SLITRK6: variants seen among roughly 807,000 people sequenced by gnomAD.
The protein encoded by SLITRK6 is SLIT and NTRK-like protein 6.
Under a neutral mutation model 55.6 loss-of-function variants are expected in SLITRK6, and 35 were observed. That is an observed-to-expected ratio of 0.63 (90% CI 0.48 to 0.83). SLITRK6 has a LOEUF of 0.83. Among genes scored for constraint, SLITRK6 ranks in the 40% least tolerant of loss-of-function variants. The pLI, the probability that SLITRK6 is intolerant of heterozygous loss-of-function variation, is 0.00. For missense variants in SLITRK6, 977 were observed against 986.4 expected, an observed-to-expected ratio of 0.99 and a Z score of 0.13; for synonymous variants, 392 against 359.6, an observed-to-expected ratio of 1.09 and a Z score of -1.02.
chr13:85,798,819 A>C (rs1874797069), intron 1 of SLITRK6, 95 bp downstream of exon 1: 1 of 151,942 alleles, frequency 6.6e-6, no homozygotes, highest in South Asian at 2.1e-4. Flanking sequence ...CTTTAATGCA[A>C]AGTTGTTTAT....
rs936795052 is a variant in SLITRK6, at chr13:85,798,903, A to C, written c.-25+11T>G. The C allele has an allele frequency of 6.6e-6, 1 of 151,924 alleles. No homozygotes were observed. Among genetic ancestry groups the C allele is most frequent in the Non-Finnish European group, 1.5e-5 (1 of 67,986 alleles). The allele number at this position is 151,924 out of a possible 1,614,324, so 9.4% of individuals were successfully genotyped here. A position where few individuals can be genotyped will look rare whatever the true frequency, so the allele number is the denominator to read the frequency against. Reference sequence around the variant, plus strand: ...ATAAGTATAAGAAAAGCCTGGAAACATTCATCTTACCTGTAAAGCAGAGAC... The same window carrying C: ...ATAAGTATAAGAAAAGCCTGGAAACCTTCATCTTACCTGTAAAGCAGAGAC... On this transcript the variant is annotated intron_variant, in intron 1 of 1. Coordinates refer to ENST00000647374, the MANE Select transcript of SLITRK6 (RefSeq NM_032229.3).
Position 85,794,980 on chromosome 13 carries a change from G to A in SLITRK6, c.1529C>T (p.Thr510Ile). 6.2e-7 allele frequency: 1 copy of A among 1,613,062 alleles called. No individual in the cohort carries two copies. The highest frequency in any genetic ancestry group is 8.5e-7 in the Non-Finnish European group (1 of 1,179,462). ...SNILDDLDLL[T>I]QIDLEDNPWD... ...GGGGTTATCCTCAAGGTCAATCTGG[G>A]TTAGCAAATCAAGATCATCCAAAAT... Residue 510 changes from threonine (T) to isoleucine (I), a missense_variant, in exon 2 of 2, where the codon ACC becomes ATC. By Grantham distance (89) the Thr-to-Ile change is moderately conservative (BLOSUM62 -1). Transcript: ENST00000647374.
chr13:85,795,960 A>T lies in SLITRK6; in HGVS notation c.549T>A (p.Val183=). ...ESLPPNIFRF[V]PLTHLDLRGN... is the part of the protein sequence containing the mutation. ...CACGAAGATCTAGATGGGTTAAAGG[A>T]ACAAATCGGAAGATGTTTGGAGGAA... is the stretch of plus-strand genomic sequence containing the variant. Residue 183 remains valine (V), a synonymous_variant, in exon 2 of 2, where the codon GTT becomes GTA. Coordinates refer to ENST00000647374, the MANE Select transcript of SLITRK6 (RefSeq NM_032229.3). The T allele has an allele frequency of 6.2e-7, 1 of 1,613,044 alleles. No homozygotes were observed. Among genetic ancestry groups the T allele is most frequent in the Non-Finnish European group, 8.5e-7 (1 of 1,179,388 alleles).
rs1372482860 is a variant in SLITRK6 at position 85,793,553 on chromosome 13, A to C, written c.*430T>G. The C allele has an allele frequency of 2.6e-5, 4 of 155,530 alleles. No individual in the cohort carries two copies. The highest frequency in any genetic ancestry group is 9.6e-5 in the African/African-American group (4 of 41,482). 9.6% of individuals were successfully genotyped at this position (155,530 alleles called of 1,614,324 possible). ...CACATTTTTGAAGTACATACTGGTT[A>C]TAAACAATGTATTCCTTACATATTA... On this transcript the variant is annotated 3_prime_UTR_variant, in exon 2 of 2. Coordinates refer to ENST00000647374, the MANE Select transcript of SLITRK6 (RefSeq NM_032229.3).
chr13:85,793,774 T>A lies in SLITRK6; in HGVS notation c.*209A>T. ...ATGATTTACATGCAAGGATTTATTTTATTTGGGACAGACTAAATTGCCTGA... is the reference window on the plus strand; with the variant it reads ...ATGATTTACATGCAAGGATTTATTTAATTTGGGACAGACTAAATTGCCTGA... On this transcript the variant is annotated 3_prime_UTR_variant, in exon 2 of 2. Coordinates refer to ENST00000647374, the MANE Select transcript of SLITRK6 (RefSeq NM_032229.3). The A allele has an allele frequency of 2.1e-6, 1 of 470,360 alleles. No homozygotes were observed. The highest frequency in any genetic ancestry group is 3.7e-6 in the Non-Finnish European group (1 of 273,536). 29.1% of individuals were successfully genotyped at this position (470,360 alleles called of 1,614,324 possible).
intron 1 of SLITRK6, among the ~76,000 whole-genome samples, chr13:85,798,507 GA>G (rs1459313003): frequency 1.3e-5 from 2 of 151,952 alleles, no homozygotes; most frequent in Admixed American, 6.6e-5. Flanking sequence ...GATACTCATT[GA>G]CATGTTTTCT....
Position 85,795,484 on chromosome 13 carries a change from C to G in SLITRK6, c.1025G>C (p.Gly342Ala). 1 of 1,612,930 alleles carries G rather than the reference C, an allele frequency of 6.2e-7. No homozygotes were observed. Among genetic ancestry groups the G allele is most frequent in the Non-Finnish European group, 8.5e-7 (1 of 1,179,410 alleles). ...GCGCTCCTGACAATGTATTAGAAGT[C>G]CTGATGGGGATAGGACTTTGCAGTT... ...PCNCKVLSPS[G>A]LLIHCQERNI... The change falls in exon 2 of 2, where the codon GGA becomes GCA. Residue 342 changes from glycine to alanine, a missense_variant. By Grantham distance (60) the Gly-to-Ala change is moderately conservative. Coordinates refer to ENST00000647374, the MANE Select transcript of SLITRK6 (RefSeq NM_032229.3).
chr13:85,793,916 C>G lies in SLITRK6; in HGVS notation c.*67G>C. The G allele has an allele frequency of 6.6e-7, 1 of 1,512,466 alleles. No individual in the cohort carries two copies. Among genetic ancestry groups the G allele is most frequent in the South Asian group, 1.4e-5 (1 of 73,300 alleles). The allele number at this position is 1,512,466 out of a possible 1,614,324, so 93.7% of individuals were successfully genotyped here. On this transcript the variant is annotated 3_prime_UTR_variant, in exon 2 of 2. Coordinates refer to ENST00000647374, the MANE Select transcript of SLITRK6 (RefSeq NM_032229.3). ...ATTGATGACACACTCACGTAAGGCA[C>G]TTATTTACAAGGTATGGACTTAAAA...
At chr13:85,796,673 T>G (rs1874736837) in intron 1 of SLITRK6, 141 bp from the exon 2 acceptor site, 2 of 596,700 alleles carry the variant, frequency 3.4e-6, no homozygotes, top group African/African-American at 3.9e-5. Flanking sequence ...TTGCTGCATT[T>G]ACATCATTTG....
rs1255841251 is a variant in SLITRK6, at chr13:85,795,379, CTG to C, written c.1128_1129del (p.His376GlnfsTer6). ...TTCCACTAGATCAGACTTCATTAAA[CTG>C]TGAATAATATTTCCCGCTAGAATGA... On this transcript the variant is annotated frameshift_variant, in exon 2 of 2. Coordinates refer to ENST00000647374, the MANE Select transcript of SLITRK6 (RefSeq NM_032229.3). LOFTEE classifies it high-confidence loss of function. 4 of 1,612,622 alleles carry C rather than the reference CTG, an allele frequency of 2.5e-6. No homozygotes were observed. The African/African-American group carries it at 4.0e-5, about 16-fold the overall frequency.
At chr13:85,796,914 C>T (rs904372023) in intron 1 of SLITRK6, among the ~76,000 whole-genome samples, 2 of 151,540 alleles carry the variant, frequency 1.3e-5, no homozygotes, top group Non-Finnish European at 2.9e-5. Flanking sequence ...ATTTTTTAAC[C>T]TTATGGTCAT....
Position 85,794,175 on chromosome 13 carries a change from G to A in SLITRK6, c.2334C>T (p.Asn778=), listed in dbSNP as rs1335022450. 1.2e-6 allele frequency: 2 copies of A among 1,612,870 alleles called. No individual in the cohort carries two copies. The highest frequency in any genetic ancestry group is 1.7e-5 in the Admixed American group (1 of 59,790). The change falls in exon 2 of 2, where the codon AAC becomes AAT. Residue 778 remains asparagine, a synonymous_variant. Coordinates refer to ENST00000647374, the MANE Select transcript of SLITRK6 (RefSeq NM_032229.3). The part of the protein sequence containing the change: ...QLGITEYLRK[N]IAQLQPDMEA... ...CCATATCAGGCTGGAGCTGAGCAATGTTTTTCCTTAGGTATTCTGTGATTC... is the reference window on the plus strand; with the variant it reads ...CCATATCAGGCTGGAGCTGAGCAATATTTTTCCTTAGGTATTCTGTGATTC...
chr13:85,799,407 C>T lies in SLITRK6; in HGVS notation c.-518G>A, dbSNP rs531280128. ...AGATTGCCAAGGGCTGGGAGGTAGG[C>T]GTAAATAAAGAGACTTCTTGGCTTT... On this transcript the variant is annotated 5_prime_UTR_variant, in exon 1 of 2. Coordinates refer to ENST00000647374, the MANE Select transcript of SLITRK6 (RefSeq NM_032229.3). 2 of 151,962 alleles carry T rather than the reference C, an allele frequency of 1.3e-5. No individual in the cohort carries two copies. The highest frequency in any genetic ancestry group is 2.4e-5 in the African/African-American group (1 of 41,408). 9.4% of individuals were successfully genotyped at this position (151,962 alleles called of 1,614,324 possible). A position where few individuals can be genotyped will look rare whatever the true frequency, so the allele number is the denominator to read the frequency against.
chr13:85,794,704 G>C lies in SLITRK6; in HGVS notation c.1805C>G (p.Thr602Arg), dbSNP rs369304860. ...NTADTILRSL[T>R]DAVPLSVLIL... ...TAGAACAGACAGTGGCACAGCGTCC[G>C]TAAGAGATCGTAAAATAGTATCAGC... is the stretch of plus-strand genomic sequence containing the variant. Residue 602 changes from threonine to arginine, a missense_variant, in exon 2 of 2, where the codon ACG (threonine) becomes AGG (arginine). Physicochemically the swap from Thr to Arg is moderately conservative, Grantham distance 71 (BLOSUM62 -1). Transcript: ENST00000647374. 6 of 1,613,250 alleles carry C rather than the reference G, an allele frequency of 3.7e-6. No homozygotes were observed. In the South Asian group the frequency reaches 5.5e-5, roughly 15 times the overall value.
Position 85,795,402 on chromosome 13 carries a change from A to G in SLITRK6, c.1107T>C (p.Ile369=). The G allele has an allele frequency of 6.2e-7, 1 of 1,612,876 alleles. No homozygotes were observed. Among genetic ancestry groups the G allele is most frequent in the Non-Finnish European group, 8.5e-7 (1 of 1,179,380 alleles). Residue 369 remains isoleucine, a synonymous_variant, in exon 2 of 2, where the codon ATT becomes ATC. Coordinates refer to ENST00000647374, the MANE Select transcript of SLITRK6 (RefSeq NM_032229.3). ...AACTGTGAATAATATTTCCCGCTAG[A>G]ATGAGCTTTCTAGGATTTTGCGGAG... ...RPPPQNPRKL[I]LAGNIIHSLM...
chr13:85,796,691 T>TC (rs1300807734), intron 1 of SLITRK6, among the ~76,000 whole-genome samples, 159 bp from the exon 2 acceptor site: 3 of 151,702 alleles, frequency 2.0e-5, no homozygotes, highest in East Asian at 3.9e-4. Context: ...TTGTTTCTTT[T>TC]TTTTTTTTCC....
At position 85,795,462 on chromosome 13, in the gene SLITRK6, C is replaced by T. The variant is rs758898828; in HGVS notation, c.1047G>A (p.Glu349=). 1 of 1,613,002 alleles carries T rather than the reference C, an allele frequency of 6.2e-7. No homozygotes were observed. The highest frequency in any genetic ancestry group is 1.7e-5 in the Admixed American group (1 of 59,806). Reference sequence around the variant, plus strand: ...GATCTGATAAGCTTTCAATGTTGCGCTCCTGACAATGTATTAGAAGTCCTG... The same window carrying T: ...GATCTGATAAGCTTTCAATGTTGCGTTCCTGACAATGTATTAGAAGTCCTG... ...SPSGLLIHCQ[E]RNIESLSDLR... is the part of the protein sequence containing the mutation. The change falls in exon 2 of 2, where the codon GAG becomes GAA. Residue 349 remains glutamate (E), a synonymous_variant. Coordinates refer to ENST00000647374, the MANE Select transcript of SLITRK6 (RefSeq NM_032229.3).
chr13:85,796,661 C>G lies in SLITRK6; in HGVS notation c.-24-129G>C, dbSNP rs1001470482. ...ACGGATTACCATGAAAATATGGGTACCTTGCTGCATTTACATCATTTGTTT... is the reference window on the plus strand; with the variant it reads ...ACGGATTACCATGAAAATATGGGTAGCTTGCTGCATTTACATCATTTGTTT... On this transcript the variant is annotated intron_variant, in intron 1 of 1. Coordinates refer to ENST00000647374, the MANE Select transcript of SLITRK6 (RefSeq NM_032229.3). The G allele has an allele frequency of 1.1e-5, 7 of 647,992 alleles. No individual in the cohort carries two copies. The East Asian group carries it at 2.2e-4, about 21-fold the overall frequency. The allele number at this position is 647,992 out of a possible 1,614,324, so 40.1% of individuals were successfully genotyped here.
rs1244942975 is a variant in SLITRK6, at chr13:85,794,575, T to A, written c.1934A>T (p.Asp645Val). The A allele has an allele frequency of 4.3e-6, 7 of 1,613,070 alleles. No homozygotes were observed. In the Admixed American group the frequency reaches 8.4e-5, roughly 19 times the overall value. The change falls in exon 2 of 2, where the codon GAT becomes GTT. Residue 645 changes from aspartate (D) to valine (V), a missense_variant. Transcript: ENST00000647374. ...RRRRYKKKQV[D>V]EQMRDNSPVH... ...AGGACTGTTGTCTCTCATTTGCTCATCTACTTGTTTCTTTTTGTATCTTCT... is the reference window on the plus strand; with the variant it reads ...AGGACTGTTGTCTCTCATTTGCTCAACTACTTGTTTCTTTTTGTATCTTCT...
Sources: gnomAD v4.1 joint callset for allele counts (sites outside exome capture counted in the v4.1 genomes callset) on GRCh38, gnomAD v4.1.1 for gene constraint, MANE v1.5 for transcripts, NCBI Gene and HGNC (gene_info 2026-07-23, HGNC 2026-07-21) for gene names.